TPM2: variants seen among roughly 807,000 people sequenced by gnomAD.
TPM2 encodes tropomyosin 2.
Under a neutral mutation model 41.0 loss-of-function variants are expected in TPM2, and 26 were observed. The ratio of observed to expected loss-of-function variants is 0.63; its 90% CI spans 0.46 to 0.88. The LOEUF is 0.88. Among genes scored for constraint, TPM2 ranks in the 40% least tolerant of loss-of-function variants. The pLI is 0.00. For synonymous variants in TPM2, 143 were observed against 139.3 expected, an observed-to-expected ratio of 1.03 and a Z score of -0.19; for missense variants, 187 against 355.2, an observed-to-expected ratio of 0.53 and a Z score of 3.81.
At chr9:35,683,376 C>T (rs1824691081) in intron 8 of TPM2, 135 bp from the exon 9 acceptor site, 2 of 870,600 alleles carry the variant, frequency 2.3e-6, no homozygotes, top group African/African-American at 1.7e-5. Context: ...GAGAGGGAGG[C>T]CAGGGAACAG....
Position 35,689,924 on chromosome 9 carries a change from C to T in TPM2, c.-107G>A. The T allele has an allele frequency of 6.3e-7, 1 of 1,592,958 alleles. No individual in the cohort carries two copies. Among genetic ancestry groups the T allele is most frequent in the South Asian group, 1.1e-5 (1 of 90,582 alleles). On this transcript the variant is annotated 5_prime_UTR_variant, in exon 1 of 9. Coordinates refer to ENST00000645482, the MANE Select transcript of TPM2 (RefSeq NM_003289.4). Reference sequence around the variant, plus strand: ...GGCAGGCGAGGAGGACGGAGCGGGACTGGGACGTCCCGGCCACGCGGGCGC... The same window carrying T: ...GGCAGGCGAGGAGGACGGAGCGGGATTGGGACGTCCCGGCCACGCGGGCGC...
intron 2 of TPM2, among the ~76,000 whole-genome samples, chr9:35,686,080 G>C (rs545251940): frequency 6.6e-6 from 1 of 152,230 alleles, no homozygotes; most frequent in East Asian, 1.9e-4. Flanking sequence ...GTGAAACTCT[G>C]TCTCTATTAA....
chr9:35,684,119 G>T, intron 8 of TPM2, 127 bp downstream of exon 8: 1 of 876,720 alleles, frequency 1.1e-6, no homozygotes, highest in East Asian at 2.5e-5. Context: ...CCACAGAGTT[G>T]GGGAGTTGGT....
intron 1 of TPM2, 63 bp downstream of exon 1, chr9:35,689,641 T>C: frequency 1.2e-6 from 2 of 1,602,540 alleles, no homozygotes; most frequent in Non-Finnish European, 1.7e-6. Context: ...GGGGGACCCA[T>C]GGCAGCGGCC....
intron 1 of TPM2, 90 bp downstream of exon 1, chr9:35,689,614 C>A (rs531811717): frequency 2.5e-6 from 4 of 1,593,534 alleles, no homozygotes; most frequent in African/African-American, 1.3e-5. Flanking sequence ...AGAGCCTTGG[C>A]GGGCAGGCCC....
At chr9:35,682,863 C>T, downstream of TPM2, 1 of 1,445,698 alleles carries the variant, frequency 6.9e-7, no homozygotes, top group Non-Finnish European at 9.3e-7. Flanking sequence ...GCCAGGGTGT[C>T]AGGAGTGAAC....
chr9:35,687,058 T>C (rs2756896), intron 2 of TPM2, among the ~76,000 whole-genome samples: 141,697 of 152,254 alleles, frequency 0.93, 66,356 homozygotes, highest in Non-Finnish European at 0.98. Flanking sequence ...CTCTCTAAGC[T>C]TCAGTTTCCT....
intron 2 of TPM2, among the ~76,000 whole-genome samples, chr9:35,688,121 G>C (rs985124258): frequency 6.6e-6 from 1 of 152,050 alleles, no homozygotes; most frequent in African/African-American, 2.4e-5. Context: ...ACTGGGCCTT[G>C]GTTATTTATA....
intron 2 of TPM2, among the ~76,000 whole-genome samples, chr9:35,687,044 T>C (rs1824960203): frequency 1.3e-5 from 2 of 152,224 alleles, no homozygotes; most frequent in Admixed American, 1.3e-4. Flanking sequence ...GCAACTTATT[T>C]AGCCTCTCTA....
chr9:35,689,600 A>G (rs2131865051), intron 1 of TPM2, 104 bp downstream of exon 1: 2 of 1,584,842 alleles, frequency 1.3e-6, no homozygotes, highest in African/African-American at 2.7e-5. Context: ...ACCCTGGGTG[A>G]GAGAGAGCCT....
intron 2 of TPM2, among the ~76,000 whole-genome samples, chr9:35,686,917 G>A (rs1824949776): frequency 1.3e-5 from 2 of 152,190 alleles, no homozygotes; most frequent in African/African-American, 4.8e-5. Flanking sequence ...GCAGAGCAAG[G>A]CGAGCGCCAG....
In TPM2 at chr9:35,689,860, G is replaced by C; in HGVS notation, c.-43C>G. On this transcript the variant is annotated 5_prime_UTR_variant, in exon 1 of 9. Coordinates refer to ENST00000645482, the MANE Select transcript of TPM2 (RefSeq NM_003289.4). ...GGCCGGCCGGCAGGCGGTGAGGACC[G>C]GACGGACTGGGCTGGGTGAGCGGAC... 6.2e-7 allele frequency: 1 copy of C among 1,612,242 alleles called. No individual in the cohort carries two copies. The highest frequency in any genetic ancestry group is 8.5e-7 in the Non-Finnish European group (1 of 1,179,170).
At position 35,685,606 on chromosome 9, in the gene TPM2, C is replaced by T; in HGVS notation, c.374+41G>A. ...GTCAGGACCAGCAGAGACAGGCTCC[C>T]TTCTCCCTCCCGGACCATCCTCCCC... On this transcript the variant is annotated intron_variant, in intron 3 of 8. Transcript: ENST00000645482. This position sits in a 1 kb window ranked among gnomAD's most constrained non-coding sequence, Gnocchi z 5.0. The T allele has an allele frequency of 1.2e-6, 2 of 1,614,176 alleles. No homozygotes were observed. Among genetic ancestry groups the T allele is most frequent in the Non-Finnish European group, 1.7e-6 (2 of 1,180,022 alleles).
chr9:35,684,283 A>T lies in TPM2; in HGVS notation c.735T>A (p.Ser245=), dbSNP rs377342494. 2.5e-6 allele frequency: 4 copies of T among 1,614,112 alleles called. No homozygotes were observed. The highest frequency in any genetic ancestry group is 1.3e-5 in the African/African-American group (1 of 74,946). The change falls in exon 8 of 9, where the codon TCT becomes TCA. Residue 245 remains serine, a synonymous_variant. Coordinates refer to ENST00000645482, the MANE Select transcript of TPM2 (RefSeq NM_003289.4). ...AETRAEFAER[S]VAKLEKTIDD... is the part of the protein sequence containing the mutation. ...CGATGGTTTTCTCCAACTTTGCCAC[A>T]GACCTCTCGGCAAACTCTGCTCGGG...
At chr9:35,684,960 C>T in intron 5 of TPM2, 153 bp from the exon 6 acceptor site, 1 of 1,612,310 alleles carries the variant, frequency 6.2e-7, no homozygotes, top group African/African-American at 1.3e-5. Context: ...CAGGCCCTTC[C>T]TGATCCCCAG....
chr9:35,682,505 CTT>C (rs1434662413), downstream of TPM2: 2 of 1,273,404 alleles, frequency 1.6e-6, no homozygotes, highest in African/African-American at 3.0e-5. Flanking sequence ...GACAGACAGA[CTT>C]GAGGTAGAAA....
intron 1 of TPM2, 137 bp downstream of exon 1, chr9:35,689,567 G>A (rs1242267868): frequency 6.0e-6 from 9 of 1,497,242 alleles, no homozygotes; most frequent in East Asian, 2.3e-5. Flanking sequence ...AGGCCCTGAG[G>A]GTACTGCGAA....
At chr9:35,686,691 G>A (rs1013863841) in intron 2 of TPM2, among the ~76,000 whole-genome samples, 1 of 150,444 alleles carries the variant, frequency 6.6e-6, no homozygotes, top group African/African-American at 2.4e-5. Flanking sequence ...GTCATCAGCT[G>A]TAAGGCAGAC....
chr9:35,689,311 G>C, intron 1 of TPM2, 40 bp from the exon 2 acceptor site: 1 of 1,612,848 alleles, frequency 6.2e-7, no homozygotes, highest in South Asian at 1.1e-5. Context: ...CTGGGAGGGG[G>C]CCCAGGCCCA....
Sources: gnomAD v4.1 joint callset for allele counts (sites outside exome capture counted in the v4.1 genomes callset) on GRCh38, gnomAD v4.1.1 for gene constraint, Gnocchi (gnomAD v3.1) non-coding constraint, MANE v1.5 for transcripts, NCBI Gene and HGNC (gene_info 2026-07-23, HGNC 2026-07-21) for gene names.